EXPH5: variants seen among roughly 807,000 people sequenced by gnomAD.
EXPH5 encodes exophilin 5, also known as exophilin-5.
Under a neutral mutation model 41.1 loss-of-function variants are expected in EXPH5, and 42 were observed. The observed-to-expected ratio is 1.02, with a 90% CI of 0.80 to 1.32. EXPH5 has a LOEUF of 1.32. EXPH5 is among the 40% of genes most tolerant of loss of function. The pLI is 0.00. For synonymous variants in EXPH5, 798 were observed against 833.5 expected, an observed-to-expected ratio of 0.96 and a Z score of 0.73; for missense variants, 2,298 against 2,314.5, an observed-to-expected ratio of 0.99 and a Z score of 0.15.
In EXPH5 at chr11:108,513,086, TGTTGAGCCA is replaced by T. The variant is rs2093694962; in HGVS notation, c.2412_2420del (p.Gly805_Thr807del). 6.2e-7 allele frequency: 1 copy of T among 1,611,430 alleles called. No individual in the cohort carries two copies. Among genetic ancestry groups the T allele is most frequent in the Non-Finnish European group, 8.5e-7 (1 of 1,179,318 alleles). ...GTTCCTGAATGAAAGGAAGGGAAGC[TGTTGAGCCA>T]AGTTTTCTGTTTTCAGTAAACCTCT... On this transcript the variant is annotated inframe_deletion, in exon 6 of 6. Transcript: ENST00000265843.
chr11:108,564,669 G>T (rs2094026967), intron 1 of EXPH5, among the ~76,000 whole-genome samples: 2 of 152,134 alleles, frequency 1.3e-5, no homozygotes, highest in South Asian at 4.1e-4. Context: ...GGATGAACAT[G>T]TTTTAATGAC....
intron 3 of EXPH5, among the ~76,000 whole-genome samples, chr11:108,529,287 A>C (rs891891044): frequency 1.3e-5 from 2 of 152,312 alleles, no homozygotes; most frequent in African/African-American, 4.8e-5. Context: ...TTCAACGAGA[A>C]GGTGACAAAT....
chr11:108,524,552 G>A (rs2093785908), intron 4 of EXPH5, among the ~76,000 whole-genome samples: 1 of 152,086 alleles, frequency 6.6e-6, no homozygotes, highest in African/African-American at 2.4e-5. Context: ...AGAAAATGAG[G>A]TCTTTTACAC....
the EXPH5 span, among the ~76,000 whole-genome samples, chr11:108,602,903 T>C: frequency 1.3e-5 from 2 of 152,314 alleles, no homozygotes; most frequent in Non-Finnish European, 2.9e-5. Context: ...TCGTCTCAAA[T>C]TGTAATCCCC....
chr11:108,515,481 A>G (rs1423520219), intron 5 of EXPH5, among the ~76,000 whole-genome samples: 1 of 84,740 alleles, frequency 1.2e-5, no homozygotes, highest in African/African-American at 1.2e-4. Context: ...TTATTAAATG[A>G]TATGCCAATG....
In EXPH5 at chr11:108,509,476, T is replaced by A. The variant is rs1212426978; in HGVS notation, c.*61A>T. ...TTATCCTTCCATGCACATGCACATGTACACCTTAGTTCCATTATAAGCTTT... is the reference window on the plus strand; with the variant it reads ...TTATCCTTCCATGCACATGCACATGAACACCTTAGTTCCATTATAAGCTTT... On this transcript the variant is annotated 3_prime_UTR_variant, in exon 6 of 6. Coordinates refer to ENST00000265843, the MANE Select transcript of EXPH5 (RefSeq NM_015065.3). 6.9e-7 allele frequency: 1 copy of A among 1,453,752 alleles called. No homozygotes were observed. Among genetic ancestry groups the A allele is most frequent in the African/African-American group, 1.4e-5 (1 of 70,470 alleles). The allele number at this position is 1,453,752 out of a possible 1,614,324, so 90.1% of individuals were successfully genotyped here.
At position 108,510,155 on chromosome 11, in the gene EXPH5, C is replaced by A. The variant is rs762777888; in HGVS notation, c.5352G>T (p.Glu1784Asp). ...GATAGAGGTGTGGCTCAGGTTCCCA[C>A]TCCAGAGATGAAGCACTCCTTTGTT... Reference protein sequence around the residue: ...LQQQRSASSLEWEPEPHLYRS... With the variant: ...LQQQRSASSLDWEPEPHLYRS... The change falls in exon 6 of 6, where the codon GAG becomes GAT. Residue 1784 changes from glutamate to aspartate, a missense_variant. Coordinates refer to ENST00000265843, the MANE Select transcript of EXPH5 (RefSeq NM_015065.3). 21 of 1,613,896 alleles carry A rather than the reference C, an allele frequency of 1.3e-5. 1 individual carries two copies. The highest frequency in any genetic ancestry group is 6.7e-5 in the Admixed American group (4 of 60,008).
At chr11:108,604,227 CAAAAAAA>C in the EXPH5 span, among the ~76,000 whole-genome samples, 1 of 109,720 alleles carries the variant, frequency 9.1e-6, no homozygotes, top group African/African-American at 3.6e-5. Context: ...CCCATCTCTA[CAAAAAAA>C]AAAAAAAAAA....
At chr11:108,562,343 A>G (rs2094016281) in intron 1 of EXPH5, among the ~76,000 whole-genome samples, 1 of 146,808 alleles carries the variant, frequency 6.8e-6, no homozygotes, top group Admixed American at 7.0e-5. Context: ...CTATAATCGC[A>G]GCACTTTGGG....
Position 108,514,377 on chromosome 11 carries a change from T to G in EXPH5, c.1130A>C (p.Asp377Ala). Residue 377 changes from aspartate to alanine, a missense_variant, in exon 6 of 6, where the codon GAT becomes GCT. Physicochemically the swap from Asp to Ala is moderately radical, Grantham distance 126 (BLOSUM62 -2). Transcript: ENST00000265843. ...CTGGTTCTCCCTGTCTCTAGAGGAA[T>G]CTGATCTGTTCCATATGATGGATGA... The part of the protein sequence containing the change: ...PLSSIIWNRS[D>A]SSRDRENQEE... 5.0e-6 allele frequency: 8 copies of G among 1,614,116 alleles called. No homozygotes were observed. Among genetic ancestry groups the G allele is most frequent in the Non-Finnish European group, 6.8e-6 (8 of 1,179,982 alleles).
chr11:108,537,773 A>G (rs2093888460), intron 3 of EXPH5, among the ~76,000 whole-genome samples: 1 of 152,224 alleles, frequency 6.6e-6, no homozygotes, highest in Non-Finnish European at 1.5e-5. Context: ...CAGCTATACA[A>G]CATTCTGCCT....
intron 1 of EXPH5, among the ~76,000 whole-genome samples, chr11:108,581,503 T>C (rs2094098120): frequency 1.3e-5 from 2 of 152,042 alleles, no homozygotes; most frequent in Admixed American, 1.3e-4. Flanking sequence ...CAATTATTAT[T>C]TGCTAATTAA....
At chr11:108,555,634 C>T (rs942496396) in intron 1 of EXPH5, among the ~76,000 whole-genome samples, 7 of 152,218 alleles carry the variant, frequency 4.6e-5, no homozygotes, top group East Asian at 1.9e-4. Flanking sequence ...GTAATCCCCA[C>T]GTGTTGGGGG....
chr11:108,531,442 T>G (rs1423942890), intron 3 of EXPH5, among the ~76,000 whole-genome samples: 3 of 152,114 alleles, frequency 2.0e-5, no homozygotes, highest in Non-Finnish European at 4.4e-5. Flanking sequence ...TTAAGAAAAT[T>G]TTTAAAAATC....
intron 1 of EXPH5, among the ~76,000 whole-genome samples, chr11:108,569,953 C>T (rs141843733): frequency 1.5e-4 from 23 of 152,288 alleles, no homozygotes; most frequent in Admixed American, 2.6e-4. Flanking sequence ...TTATCATACC[C>T]GGCAGCTCCA....
chr11:108,513,519 G>C lies in EXPH5; in HGVS notation c.1988C>G (p.Ser663Cys). 3.1e-6 allele frequency: 5 copies of C among 1,614,220 alleles called. No individual in the cohort carries two copies. The highest frequency in any genetic ancestry group is 4.2e-6 in the Non-Finnish European group (5 of 1,180,048). Reference sequence around the variant, plus strand: ...TTCTGTATGGCTTCTCATTGGATGAGAGGCAGGCTTATTTGGAAAAATTTT... The same window carrying C: ...TTCTGTATGGCTTCTCATTGGATGACAGGCAGGCTTATTTGGAAAAATTTT... ...LQKIFPNKPA[S>C]HPMRSHTEVT... The change falls in exon 6 of 6, where the codon TCT becomes TGT. Residue 663 changes from serine (S) to cysteine (C), a missense_variant. By Grantham distance (112) the Ser-to-Cys change is moderately radical (BLOSUM62 -1). Coordinates refer to ENST00000265843, the MANE Select transcript of EXPH5 (RefSeq NM_015065.3).
chr11:108,521,833 G>A (rs1354478359), intron 4 of EXPH5, among the ~76,000 whole-genome samples: 1 of 152,088 alleles, frequency 6.6e-6, no homozygotes, highest in African/African-American at 2.4e-5. Flanking sequence ...ATTCTCTCTC[G>A]ACCATTTAAC....
At chr11:108,594,537 A>C (rs2094135833), upstream of EXPH5, among the ~76,000 whole-genome samples, 1 of 152,250 alleles carries the variant, frequency 6.6e-6, no homozygotes, top group African/African-American at 2.4e-5. Context: ...CAATTGTTCC[A>C]CAATGCAATG....
chr11:108,514,965 T>C (rs2093714920), intron 5 of EXPH5, 90 bp from the exon 6 acceptor site: 1 of 673,656 alleles, frequency 1.5e-6, no homozygotes, highest in Non-Finnish European at 2.2e-6. Flanking sequence ...TCAAGAAACA[T>C]AATCATTTAT....
Sources: gnomAD v4.1 joint callset for allele counts (sites outside exome capture counted in the v4.1 genomes callset) on GRCh38, gnomAD v4.1.1 for gene constraint, MANE v1.5 for transcripts, NCBI Gene and HGNC (gene_info 2026-07-23, HGNC 2026-07-21) for gene names.